The following ZC3H3 variants were observed in gnomAD, a reference collection of about 807,000 sequenced individuals.
The protein encoded by ZC3H3 is zinc finger CCCH-type containing 3.
ZC3H3 carries 36 observed loss-of-function variants against 77.3 expected under a neutral mutation model. That is an observed-to-expected ratio of 0.47 (90% CI 0.36 to 0.61). The LOEUF is 0.61. ZC3H3 is among the 20% of genes least tolerant of loss of function. The pLI is 0.00. For missense variants in ZC3H3, 1,331 were observed against 1,312.2 expected, an observed-to-expected ratio of 1.01 and a Z score of -0.22; for synonymous variants, 626 against 555.2, an observed-to-expected ratio of 1.13 and a Z score of -1.79.
At chr8:143,506,044 C>T (rs113160177) in intron 4 of ZC3H3, among the ~76,000 whole-genome samples, 1 of 152,242 alleles carries the variant, frequency 6.6e-6, no homozygotes, top group Non-Finnish European at 1.5e-5. Context: ...GGCGCTGGGC[C>T]GGCTGCCACC....
intron 9 of ZC3H3, among the ~76,000 whole-genome samples, chr8:143,442,951 G>T (rs1819784205): frequency 6.6e-6 from 1 of 152,152 alleles, no homozygotes. Context: ...CCCTCCTGCA[G>T]AACACAACCA....
intron 3 of ZC3H3, among the ~76,000 whole-genome samples, chr8:143,529,892 C>T (rs1408241178): frequency 3.3e-5 from 5 of 152,236 alleles, no homozygotes; most frequent in Non-Finnish European, 5.9e-5. Context: ...GTCACCCAGG[C>T]AGGACAGCCC....
chr8:143,454,438 T>C (rs371088521), intron 9 of ZC3H3, among the ~76,000 whole-genome samples: 1 of 148,966 alleles, frequency 6.7e-6, no homozygotes, highest in African/African-American at 2.5e-5. Context: ...TCTTTCACTG[T>C]CACCCAGGCT....
chr8:143,485,376 G>A (rs990984934), intron 4 of ZC3H3, among the ~76,000 whole-genome samples: 1 of 152,228 alleles, frequency 6.6e-6, no homozygotes, highest in African/African-American at 2.4e-5. Flanking sequence ...GCACAGACAA[G>A]TGGGTCAACA....
chr8:143,465,904 G>T, intron 8 of ZC3H3, 56 bp from the exon 9 acceptor site: 2 of 1,569,612 alleles, frequency 1.3e-6, no homozygotes, highest in South Asian at 2.3e-5. Flanking sequence ...AGGGCCCAGA[G>T]ACGGTGGCTG....
intron 3 of ZC3H3, among the ~76,000 whole-genome samples, chr8:143,509,302 C>T (rs1336275159): frequency 1.3e-5 from 2 of 152,244 alleles, no homozygotes; most frequent in African/African-American, 4.8e-5. Flanking sequence ...CGCTGGAGAA[C>T]GTAAGAAGTC....
In ZC3H3 at chr8:143,478,946, C is replaced by T. The variant is rs553415385; in HGVS notation, c.1716-3361G>A. ...TCTGGGCGGAATGGAGATGTGGCAG[C>T]CCCTGCTGAGCCGTCCCGGGATCTG... On this transcript the variant is annotated intron_variant, in intron 4 of 11. Transcript: ENST00000262577. Among the ~76,000 whole-genome samples, 3 of 152,368 alleles carry T rather than the reference C, an allele frequency of 2.0e-5. No homozygotes were observed. In the South Asian group the frequency reaches 6.2e-4, roughly 32 times the overall value.
chr8:143,498,831 C>T (rs1185412891), intron 4 of ZC3H3, among the ~76,000 whole-genome samples: 5 of 100,420 alleles, frequency 5.0e-5, no homozygotes, highest in African/African-American at 2.1e-4. Flanking sequence ...GGCAGAGGGG[C>T]ACAGGGCGGG....
intron 3 of ZC3H3, among the ~76,000 whole-genome samples, chr8:143,526,965 C>T (rs559204381): frequency 6.6e-6 from 1 of 152,268 alleles, no homozygotes; most frequent in South Asian, 2.1e-4. Flanking sequence ...CTGGCCATGC[C>T]TGAAGATAGA....
intron 11 of ZC3H3, among the ~76,000 whole-genome samples, chr8:143,438,439 C>T (rs1013281521): frequency 6.6e-6 from 1 of 152,204 alleles, no homozygotes; most frequent in Admixed American, 6.5e-5. Context: ...AGTACTGGTG[C>T]ACACAGCACC....
In ZC3H3 at chr8:143,538,243, C is replaced by A; in HGVS notation, c.1124G>T (p.Ser375Ile). The change falls in exon 2 of 12, where the codon AGC becomes ATC. Residue 375 changes from serine (S) to isoleucine (I), a missense_variant. Ser to Ile is a moderately radical substitution (Grantham distance 142). Transcript: ENST00000262577. Reference protein sequence around the residue: ...ATSSKPGSAPSKYKWKASSPS... With the variant: ...ATSSKPGSAPIKYKWKASSPS... ...GCTGGAGGCCTTCCACTTGTACTTG[C>A]TGGGGGCAGACCCTGGCTTGGAGGA... is the stretch of plus-strand genomic sequence containing the variant. 1 of 1,613,032 alleles carries A rather than the reference C, an allele frequency of 6.2e-7. No homozygotes were observed. Among genetic ancestry groups the A allele is most frequent in the Non-Finnish European group, 8.5e-7 (1 of 1,180,032 alleles).
At chr8:143,474,854 G>A (rs1237659931) in intron 5 of ZC3H3, among the ~76,000 whole-genome samples, 1 of 152,256 alleles carries the variant, frequency 6.6e-6, no homozygotes, top group Non-Finnish European at 1.5e-5. Context: ...GAGGGCGCAA[G>A]GTGGCGGCGC....
At position 143,468,527 on chromosome 8, in the gene ZC3H3, G is replaced by A. The variant is rs771433938; in HGVS notation, c.1960C>T (p.Arg654Cys). ...GCCTGCCGGATGATGGCCAGGCTGC[G>A]CTGCACTGCCCGGCTGCAGACGGGG... ...SRSLASRAVQ[R>C]SLAIIRQARQ... Residue 654 changes from arginine (R) to cysteine (C), a missense_variant, in exon 7 of 12, where the codon CGC becomes TGC. Arg to Cys is a radical substitution (Grantham distance 180, BLOSUM62 -3). Transcript: ENST00000262577. The A allele has an allele frequency of 1.8e-5, 29 of 1,608,308 alleles. No homozygotes were observed. Among genetic ancestry groups the A allele is most frequent in the South Asian group, 1.0e-4 (9 of 90,112 alleles).
intron 3 of ZC3H3, among the ~76,000 whole-genome samples, chr8:143,519,480 G>T (rs1052233298): frequency 1.3e-5 from 2 of 152,168 alleles, no homozygotes; most frequent in Non-Finnish European, 2.9e-5. Context: ...AGTAAGCCTT[G>T]CATTCCTCGT....
chr8:143,494,355 C>T lies in ZC3H3; in HGVS notation c.1715+13391G>A, dbSNP rs1425134348. ...TCAGGCTACGGGACCGGTGGCAGCC[C>T]GCCAGCCCTCCCTCTGAGCAGGCCC... On this transcript the variant is annotated intron_variant, in intron 4 of 11. Coordinates refer to ENST00000262577, the MANE Select transcript of ZC3H3 (RefSeq NM_015117.3). This position sits in a 1 kb window ranked among gnomAD's most constrained non-coding sequence, Gnocchi z 5.3. Among the ~76,000 whole-genome samples, 2 of 152,228 alleles carry T rather than the reference C, an allele frequency of 1.3e-5. No homozygotes were observed. The highest frequency in any genetic ancestry group is 4.8e-5 in the African/African-American group (2 of 41,466).
chr8:143,496,430 G>A (rs1476669016), intron 4 of ZC3H3, among the ~76,000 whole-genome samples: 1 of 152,228 alleles, frequency 6.6e-6, no homozygotes, highest in Admixed American at 6.5e-5. Context: ...CCAGGAATGA[G>A]AGGACACATC....
chr8:143,513,863 T>C (rs1406980674), intron 3 of ZC3H3, among the ~76,000 whole-genome samples: 1 of 152,176 alleles, frequency 6.6e-6, no homozygotes, highest in Non-Finnish European at 1.5e-5. Flanking sequence ...TTGCTGAGGC[T>C]GGTGGGGGTG....
intron 9 of ZC3H3, among the ~76,000 whole-genome samples, chr8:143,443,449 A>C (rs1819797386): frequency 6.6e-6 from 1 of 152,144 alleles, no homozygotes; most frequent in Non-Finnish European, 1.5e-5. Flanking sequence ...GAAAAACCCA[A>C]ACCAGCCAAA....
At chr8:143,497,963 C>A (rs1230600304) in intron 4 of ZC3H3, among the ~76,000 whole-genome samples, 1 of 152,210 alleles carries the variant, frequency 6.6e-6, no homozygotes, top group Non-Finnish European at 1.5e-5. Context: ...ACGAAGAGGC[C>A]CCAAAAAGCC....
Sources: allele counts gnomAD v4.1 joint callset (sites outside exome capture counted in the v4.1 genomes callset), GRCh38; gene constraint gnomAD v4.1.1; non-coding constraint Gnocchi (gnomAD v3.1); transcripts MANE v1.5; gene names NCBI Gene and HGNC (gene_info 2026-07-23, HGNC 2026-07-21).